The following CDK14 variants were observed in gnomAD, a reference collection of about 807,000 sequenced individuals.
The protein encoded by CDK14 is cyclin-dependent kinase 14.
A neutral mutation model predicts 60.7 loss-of-function variants in CDK14; 34 were observed. The ratio of observed to expected loss-of-function variants is 0.56; its 90% CI spans 0.43 to 0.75. The LOEUF (loss-of-function observed/expected upper bound fraction) is 0.75. Among genes scored for constraint, CDK14 ranks in the 30% least tolerant of loss-of-function variants. The pLI, the probability that CDK14 is intolerant of heterozygous loss-of-function variation, is 0.00. For synonymous variants in CDK14, 197 were observed against 203.7 expected (o/e 0.97, Z 0.28); for missense variants, 482 against 564.1 (o/e 0.85, Z 1.47).
At chr7:90,738,857 C>T (rs938486195) in intron 3 of CDK14, among the ~76,000 whole-genome samples, 1 of 151,200 alleles carries the variant, frequency 6.6e-6, no homozygotes, top group Admixed American at 6.6e-5. Context: ...CAAAGGACTC[C>T]ACTTTAATTA....
rs1322134583 is a variant in CDK14, at chr7:91,112,629, G to A, written c.1242G>A (p.Leu414=). ...ACAGACTGTCGGCACAGGCTGCCTT[G>A]AGCCACGAGTATTTTAGTGACCTGC... ...PKNRLSAQAA[L]SHEYFSDLPP... Residue 414 remains leucine, a synonymous_variant, in exon 13 of 15, where the codon TTG becomes TTA. Coordinates refer to ENST00000380050, the MANE Select transcript of CDK14 (RefSeq NM_001287135.2). 1 of 1,613,722 alleles carries A rather than the reference G, an allele frequency of 6.2e-7. No homozygotes were observed. Among genetic ancestry groups the A allele is most frequent in the South Asian group, 1.1e-5 (1 of 91,076 alleles).
At chr7:91,118,350 G>T in intron 14 of CDK14, 142 bp downstream of exon 14, 1 of 486,998 alleles carries the variant, frequency 2.1e-6, no homozygotes, top group South Asian at 3.8e-5. Context: ...GACCTATTGA[G>T]ATAGAATGCA....
intron 7 of CDK14, among the ~76,000 whole-genome samples, chr7:90,908,694 G>A (rs1222358462): frequency 2.0e-5 from 3 of 152,144 alleles, no homozygotes; most frequent in African/African-American, 4.8e-5. Context: ...GATAGGCACA[G>A]CATTCCTGTG....
At chr7:90,927,645 C>T (rs1793458221) in intron 8 of CDK14, among the ~76,000 whole-genome samples, 1 of 152,090 alleles carries the variant, frequency 6.6e-6, no homozygotes. Context: ...GATTCTGCAG[C>T]CACATGCCTG....
chr7:90,766,744 T>C (rs1163866501), intron 4 of CDK14, among the ~76,000 whole-genome samples: 1 of 152,142 alleles, frequency 6.6e-6, no homozygotes, highest in East Asian at 1.9e-4. Flanking sequence ...GATGGGCAGA[T>C]AGCTGAAAGA....
chr7:90,912,783 A>G (rs907226449), intron 7 of CDK14, among the ~76,000 whole-genome samples: 4 of 150,936 alleles, frequency 2.7e-5, no homozygotes, highest in Admixed American at 6.6e-5. Flanking sequence ...AAGTTTTTCT[A>G]TTTTTTTTGG....
intron 2 of CDK14, among the ~76,000 whole-genome samples, chr7:90,622,450 G>A (rs1238437410): frequency 6.6e-6 from 1 of 152,270 alleles, no homozygotes; most frequent in East Asian, 1.9e-4. Flanking sequence ...ATCTAACGCG[G>A]TGATCTTTCT....
chr7:90,672,102 A>G (rs571544555), intron 2 of CDK14, among the ~76,000 whole-genome samples: 2 of 152,316 alleles, frequency 1.3e-5, no homozygotes, highest in South Asian at 4.1e-4. Flanking sequence ...AATCTGAGTA[A>G]AGCTAAGAGA....
intron 10 of CDK14, among the ~76,000 whole-genome samples, chr7:91,025,535 T>C (rs1044157197): frequency 6.6e-6 from 1 of 152,170 alleles, no homozygotes; most frequent in African/African-American, 2.4e-5. Context: ...AAAATGATGT[T>C]GATTGTTCTT....
chr7:90,952,636 T>C (rs1241787590), intron 8 of CDK14, among the ~76,000 whole-genome samples: 1 of 152,214 alleles, frequency 6.6e-6, no homozygotes, highest in Admixed American at 6.5e-5. Context: ...GCATATAACC[T>C]GCACTTGTCT....
At chr7:91,170,446 G>A (rs1396628536) in intron 14 of CDK14, among the ~76,000 whole-genome samples, 2 of 152,162 alleles carry the variant, frequency 1.3e-5, no homozygotes, top group African/African-American at 4.8e-5. Flanking sequence ...CAATGTGGGT[G>A]TGTGTAATAA....
At chr7:90,733,478 A>C (rs1041683131) in intron 3 of CDK14, among the ~76,000 whole-genome samples, 4 of 152,074 alleles carry the variant, frequency 2.6e-5, no homozygotes, top group African/African-American at 9.7e-5. Flanking sequence ...GTCTCTAAGA[A>C]CTCGCTTTAT....
intron 5 of CDK14, among the ~76,000 whole-genome samples, chr7:90,806,542 G>A (rs1007208083): frequency 2.6e-5 from 4 of 152,218 alleles, no homozygotes; most frequent in African/African-American, 4.8e-5. Flanking sequence ...CAGCGTGAGC[G>A]ATGTAGAAGA....
intron 5 of CDK14, among the ~76,000 whole-genome samples, chr7:90,805,864 G>C (rs1267362260): frequency 6.6e-6 from 1 of 151,992 alleles, no homozygotes; most frequent in Non-Finnish European, 1.5e-5. Context: ...GAACAAAGTA[G>C]GAAGACTTAC....
At chr7:90,984,096 T>C in intron 9 of CDK14, 52 bp from the exon 10 acceptor site, 1 of 1,159,126 alleles carries the variant, frequency 8.6e-7, no homozygotes, top group South Asian at 1.2e-5. Context: ...GATTTAGTTT[T>C]CCTAAGCAGA....
intron 14 of CDK14, among the ~76,000 whole-genome samples, chr7:91,187,749 G>A (rs1802234572): frequency 6.6e-6 from 1 of 152,204 alleles, no homozygotes. Flanking sequence ...GCAGGCTTGA[G>A]GAGGCGGTGA....
chr7:90,834,126 A>G (rs1047801692), intron 5 of CDK14, among the ~76,000 whole-genome samples: 1 of 152,180 alleles, frequency 6.6e-6, no homozygotes, highest in African/African-American at 2.4e-5. Flanking sequence ...CTGAAACTTT[A>G]TTGTAAGGAC....
chr7:90,874,165 T>C (rs1363518955), intron 6 of CDK14, among the ~76,000 whole-genome samples: 3 of 152,270 alleles, frequency 2.0e-5, no homozygotes, highest in Middle Eastern at 3.4e-3. Flanking sequence ...CTTCATCTTA[T>C]GTGGTTTTGT....
intron 8 of CDK14, among the ~76,000 whole-genome samples, chr7:90,954,410 T>C (rs984200523): frequency 6.6e-6 from 1 of 152,112 alleles, no homozygotes; most frequent in African/African-American, 2.4e-5. Context: ...TTGTCACTAA[T>C]GAATACAGCT....
Sources: allele counts gnomAD v4.1 joint callset (sites outside exome capture counted in the v4.1 genomes callset), GRCh38; gene constraint gnomAD v4.1.1; transcripts MANE v1.5; gene names NCBI Gene and HGNC (gene_info 2026-07-23, HGNC 2026-07-21).